The following CPQ variants were observed in gnomAD, a reference collection of about 807,000 sequenced individuals.
CPQ encodes Ser-Met dipeptidase.
A neutral mutation model predicts 45.7 loss-of-function variants in CPQ; 37 were observed. The observed-to-expected ratio is 0.81, with a 90% CI of 0.62 to 1.07. CPQ has a LOEUF of 1.07. Ranked by LOEUF, CPQ falls within the 50% of genes least tolerant of loss-of-function variation. CPQ has a pLI of 0.00. For missense variants in CPQ, 537 were observed against 572.9 expected (o/e 0.94, Z 0.64); for synonymous variants, 186 against 205.8 (o/e 0.90, Z 0.82).
chr8:97,012,317 T>C (rs1809501714), intron 5 of CPQ, among the ~76,000 whole-genome samples: 2 of 152,252 alleles, frequency 1.3e-5, no homozygotes, highest in African/African-American at 4.8e-5. Flanking sequence ...ATAGAATTCT[T>C]AAATGCATGC....
intron 1 of CPQ, among the ~76,000 whole-genome samples, chr8:96,684,647 A>T (rs1251193763): frequency 1.3e-5 from 2 of 152,112 alleles, no homozygotes; most frequent in African/African-American, 2.4e-5. Flanking sequence ...CCTGGATGGA[A>T]CATGTGGGTG....
At chr8:96,957,427 G>C (rs1316481011) in intron 4 of CPQ, among the ~76,000 whole-genome samples, 1 of 152,082 alleles carries the variant, frequency 6.6e-6, no homozygotes, top group African/African-American at 2.4e-5. Flanking sequence ...TGTTTCTTTT[G>C]GTAGGAAGCA....
intron 1 of CPQ, among the ~76,000 whole-genome samples, chr8:96,682,621 T>C (rs140057460): frequency 9.7e-4 from 148 of 152,356 alleles, no homozygotes; most frequent in African/African-American, 3.4e-3. Flanking sequence ...ATCTAGGTGC[T>C]CTGCTGTTGG....
intron 7 of CPQ, among the ~76,000 whole-genome samples, chr8:97,126,296 A>C (rs1357605578): frequency 6.6e-6 from 1 of 152,228 alleles, no homozygotes; most frequent in East Asian, 1.9e-4. Context: ...ACACCTTCTG[A>C]GGTTGGACAG....
At chr8:96,691,119 A>G (rs1285649499) in intron 1 of CPQ, among the ~76,000 whole-genome samples, 1 of 152,180 alleles carries the variant, frequency 6.6e-6, no homozygotes, top group Non-Finnish European at 1.5e-5. Flanking sequence ...CACAGTTCTG[A>G]AAAGCTGAAG....
chr8:96,780,808 C>T (rs1810676031), intron 1 of CPQ, among the ~76,000 whole-genome samples: 1 of 151,618 alleles, frequency 6.6e-6, no homozygotes, highest in Non-Finnish European at 1.5e-5. Flanking sequence ...GCATGAGCCA[C>T]TGCCCTCAGC....
intron 3 of CPQ, among the ~76,000 whole-genome samples, chr8:96,860,434 A>G (rs963248120): frequency 6.6e-6 from 1 of 152,164 alleles, no homozygotes; most frequent in Non-Finnish European, 1.5e-5. Context: ...ATGTGCTTAT[A>G]AAAATCAGTC....
At chr8:96,749,717 G>A (rs746921158) in intron 1 of CPQ, among the ~76,000 whole-genome samples, 6 of 152,230 alleles carry the variant, frequency 3.9e-5, no homozygotes, top group African/African-American at 7.2e-5. Context: ...GTGTTGGCTC[G>A]GATGTGAGGA....
Position 96,976,243 on chromosome 8 carries a change from C to T in CPQ, c.961+10197C>T, listed in dbSNP as rs537219039. ...AAGAACTCAACCCCTTTCACAATAGCTGACAAAAAAAAAAAAAAAAAAAAA... is the reference window on the plus strand; with the variant it reads ...AAGAACTCAACCCCTTTCACAATAGTTGACAAAAAAAAAAAAAAAAAAAAA... On this transcript the variant is annotated intron_variant, in intron 5 of 7. Coordinates refer to ENST00000220763, the MANE Select transcript of CPQ (RefSeq NM_016134.4). Among the ~76,000 whole-genome samples, 3 of 58,840 alleles carry T rather than the reference C, an allele frequency of 5.1e-5. No individual in the cohort carries two copies. In the East Asian group the frequency reaches 1.2e-3, roughly 23 times the overall value. The allele number at this position is 58,840 out of a possible 152,430, so 38.6% of individuals were successfully genotyped here. A position where few individuals can be genotyped will look rare whatever the true frequency, so the allele number is the denominator to read the frequency against.
At chr8:96,991,425 A>C (rs1280353205) in intron 5 of CPQ, among the ~76,000 whole-genome samples, 1 of 151,924 alleles carries the variant, frequency 6.6e-6, no homozygotes, top group South Asian at 2.1e-4. Context: ...GCGTGGTGGC[A>C]GGTGCCTCTT....
intron 7 of CPQ, among the ~76,000 whole-genome samples, chr8:97,084,696 A>C (rs2130556540): frequency 6.6e-6 from 1 of 152,292 alleles, no homozygotes; most frequent in Non-Finnish European, 1.5e-5. Flanking sequence ...CAAAGTGTGT[A>C]CTTTTTAACT....
At chr8:97,133,262 ACTC>A (rs1245178296) in intron 7 of CPQ, 1 of 151,974 alleles carries the variant, frequency 6.6e-6, no homozygotes, top group African/African-American at 2.4e-5. Flanking sequence ...TTCCCCCAAT[ACTC>A]CTCATACCTA....
intron 5 of CPQ, among the ~76,000 whole-genome samples, chr8:97,004,403 A>G (rs1167922507): frequency 6.6e-6 from 1 of 152,126 alleles, no homozygotes; most frequent in Admixed American, 6.5e-5. Context: ...CAACAAAAAA[A>G]CAGAATATTG....
intron 1 of CPQ, among the ~76,000 whole-genome samples, chr8:96,770,726 A>T (rs6995908): frequency 0.52 from 76,473 of 146,702 alleles, 21,456 homozygotes; most frequent in East Asian, 0.87. Flanking sequence ...TATATATATA[A>T]AATATATAAT....
chr8:96,879,819 A>C lies in CPQ; in HGVS notation c.663A>C (p.Glu221Asp). 3 of 1,614,074 alleles carry C rather than the reference A, an allele frequency of 1.9e-6. No homozygotes were observed. Among genetic ancestry groups the C allele is most frequent in the Non-Finnish European group, 2.5e-6 (3 of 1,179,960 alleles). ...CAAGTCCTCACACAGGTATTCAGGA[A>C]TACCAGGATGGCGTGCCCAAGATTC... ...SIYSPHTGIQ[E>D]YQDGVPKIPT... Residue 221 changes from glutamate to aspartate, a missense_variant, in exon 4 of 8, where the codon GAA becomes GAC. Glu to Asp is a conservative substitution (Grantham distance 45). Transcript: ENST00000220763.
intron 4 of CPQ, among the ~76,000 whole-genome samples, chr8:96,933,552 A>G (rs551998660): frequency 6.6e-6 from 1 of 152,302 alleles, no homozygotes; most frequent in South Asian, 2.1e-4. Flanking sequence ...GGTGTTTCCA[A>G]GGCACTAAAT....
At chr8:96,772,972 C>A (rs555020799) in intron 1 of CPQ, among the ~76,000 whole-genome samples, 1 of 152,030 alleles carries the variant, frequency 6.6e-6, no homozygotes, top group East Asian at 1.9e-4. Flanking sequence ...GAAATGCCAC[C>A]CCATTTTTAA....
intron 7 of CPQ, among the ~76,000 whole-genome samples, chr8:97,122,694 G>A (rs1376566975): frequency 6.6e-6 from 1 of 151,500 alleles, no homozygotes; most frequent in Admixed American, 6.6e-5. Flanking sequence ...AGAACAGGCT[G>A]ACCAACAAGC....
chr8:96,937,806 C>T (rs1222090406), intron 4 of CPQ, among the ~76,000 whole-genome samples: 1 of 152,156 alleles, frequency 6.6e-6, no homozygotes, highest in Non-Finnish European at 1.5e-5. Flanking sequence ...AAGCTTGCTT[C>T]TAAGATATCT....
Sources: allele counts gnomAD v4.1 joint callset (sites outside exome capture counted in the v4.1 genomes callset), GRCh38; gene constraint gnomAD v4.1.1; transcripts MANE v1.5; gene names NCBI Gene and HGNC (gene_info 2026-07-23, HGNC 2026-07-21).